The following DCLK2 variants were observed in gnomAD, a reference collection of about 807,000 sequenced individuals.
DCLK2 encodes the protein doublecortin like kinase 2, also known as serine/threonine-protein kinase DCLK2.
In DCLK2, 31 loss-of-function variants were observed where a neutral mutation model predicts 78.4. The ratio of observed to expected loss-of-function variants is 0.40; its 90% confidence interval spans 0.30 to 0.53. DCLK2 has a LOEUF of 0.53. Ranked by LOEUF, DCLK2 falls within the 20% of genes least tolerant of loss-of-function variation. The pLI is 0.61. For missense variants in DCLK2, 872 were observed against 973.7 expected (o/e 0.90, Z 1.39); for synonymous variants, 407 against 374.9 (o/e 1.09, Z -0.99).
intron 2 of DCLK2, among the ~76,000 whole-genome samples, chr4:150,115,207 T>G (rs936716184): frequency 6.6e-6 from 1 of 152,230 alleles, no homozygotes; most frequent in African/African-American, 2.4e-5. Context: ...GTTTTTCATT[T>G]CCAGAAGTTC....
intron 6 of DCLK2, among the ~76,000 whole-genome samples, chr4:150,221,476 T>C (rs1192625302): frequency 3.9e-5 from 6 of 152,232 alleles, no homozygotes; most frequent in African/African-American, 1.4e-4. Flanking sequence ...TTATTGATTA[T>C]AGGTTTCTGA....
At chr4:150,136,836 A>G (rs532414394) in intron 2 of DCLK2, among the ~76,000 whole-genome samples, 3 of 152,146 alleles carry the variant, frequency 2.0e-5, no homozygotes, top group Non-Finnish European at 4.4e-5. Flanking sequence ...AAAATCACAA[A>G]TTCATCAAGA....
chr4:150,179,689 A>G (rs1737363583), intron 2 of DCLK2, among the ~76,000 whole-genome samples: 1 of 152,210 alleles, frequency 6.6e-6, no homozygotes, highest in Non-Finnish European at 1.5e-5. Context: ...TTATTAATAC[A>G]TATTTATACC....
In DCLK2 at chr4:150,256,866, G is replaced by C. The variant is rs376601574; in HGVS notation, c.*619G>C. ...TGAGAAGCGCTCAGAGGCCCAGGGC[G>C]GCGGGCTCAGCCATTCGGCTTGGGG... On this transcript the variant is annotated 3_prime_UTR_variant, in exon 16 of 16. Transcript: ENST00000296550. The C allele has an allele frequency of 6.6e-6, 1 of 152,390 alleles. No homozygotes were observed. Among genetic ancestry groups the C allele is most frequent in the Non-Finnish European group, 1.5e-5 (1 of 68,196 alleles). 9.4% of individuals were successfully genotyped at this position (152,390 alleles called of 1,614,324 possible). A position where few individuals can be genotyped will look rare whatever the true frequency, so the allele number is the denominator to read the frequency against.
intron 2 of DCLK2, among the ~76,000 whole-genome samples, chr4:150,188,360 TG>T (rs1434781056): frequency 3.3e-5 from 5 of 151,986 alleles, no homozygotes; most frequent in Non-Finnish European, 5.9e-5. Context: ...CTGTAGTCCC[TG>T]GAAGGCTGAG....
intron 2 of DCLK2, among the ~76,000 whole-genome samples, chr4:150,171,726 C>G (rs1172048149): frequency 6.6e-6 from 1 of 152,072 alleles, no homozygotes; most frequent in Non-Finnish European, 1.5e-5. Context: ...TTTAAGAAAA[C>G]CAAACATTGG....
chr4:150,157,721 C>T (rs1357059224), intron 2 of DCLK2, among the ~76,000 whole-genome samples: 2 of 152,220 alleles, frequency 1.3e-5, no homozygotes, highest in East Asian at 3.9e-4. Context: ...CCACGTTGGC[C>T]AGGCTGGTCT....
intron 2 of DCLK2, among the ~76,000 whole-genome samples, chr4:150,142,089 TAAA>T (rs1734149040): frequency 6.6e-6 from 1 of 152,218 alleles, no homozygotes; most frequent in Admixed American, 6.5e-5. Flanking sequence ...TTGTTAGTAA[TAAA>T]AACAGTTTAT....
chr4:150,162,516 T>C (rs1299179642), intron 2 of DCLK2, among the ~76,000 whole-genome samples: 2 of 152,228 alleles, frequency 1.3e-5, no homozygotes, highest in Non-Finnish European at 2.9e-5. Context: ...ATGTTAATTT[T>C]AGTTAACCTA....
chr4:150,114,731 T>A (rs1227793662), intron 2 of DCLK2, among the ~76,000 whole-genome samples: 4 of 152,232 alleles, frequency 2.6e-5, no homozygotes, highest in African/African-American at 7.2e-5. Flanking sequence ...CCTTTTGGCT[T>A]ATAAGGTTTC....
At chr4:150,225,281 G>A (rs916905537) in intron 8 of DCLK2, among the ~76,000 whole-genome samples, 1 of 152,214 alleles carries the variant, frequency 6.6e-6, no homozygotes, top group Non-Finnish European at 1.5e-5. Context: ...AACAGAAGCT[G>A]ATGCATCATG....
chr4:150,216,198 C>T (rs1327845543), intron 5 of DCLK2, among the ~76,000 whole-genome samples: 3 of 152,202 alleles, frequency 2.0e-5, no homozygotes, highest in African/African-American at 7.2e-5. Flanking sequence ...CCATAGGACC[C>T]TCTGACATAA....
chr4:150,254,075 G>A (rs1185091157), intron 15 of DCLK2, among the ~76,000 whole-genome samples: 1 of 152,234 alleles, frequency 6.6e-6, no homozygotes, highest in Admixed American at 6.5e-5. Context: ...AAAGGACAGA[G>A]CAGGGTGCAT....
intron 1 of DCLK2, among the ~76,000 whole-genome samples, chr4:150,099,879 A>C (rs1453593840): frequency 2.0e-5 from 3 of 152,130 alleles, no homozygotes; most frequent in Non-Finnish European, 2.9e-5. Context: ...TCAAAACTTT[A>C]ATACAAGTTT....
At chr4:150,226,912 GT>G (rs1741664421) in intron 8 of DCLK2, among the ~76,000 whole-genome samples, 2 of 152,168 alleles carry the variant, frequency 1.3e-5, no homozygotes, top group African/African-American at 4.8e-5. Context: ...TTCAGTCACT[GT>G]TTTGGAGTGT....
intron 13 of DCLK2, 43 bp from the exon 14 acceptor site, chr4:150,248,262 C>G (rs1261348195): frequency 6.5e-7 from 1 of 1,547,290 alleles, no homozygotes; most frequent in Non-Finnish European, 8.9e-7. Flanking sequence ...GGAATTACCT[C>G]CTTTCTCCTC....
At chr4:150,115,502 T>A (rs899949718) in intron 2 of DCLK2, among the ~76,000 whole-genome samples, 1 of 152,208 alleles carries the variant, frequency 6.6e-6, no homozygotes, top group African/African-American at 2.4e-5. Context: ...TTTCTTGAAT[T>A]TATTTTTGTT....
intron 2 of DCLK2, among the ~76,000 whole-genome samples, chr4:150,154,602 A>G (rs929364676): frequency 5.9e-5 from 9 of 152,162 alleles, no homozygotes; most frequent in Non-Finnish European, 1.0e-4. Flanking sequence ...CAAGCTTTTA[A>G]TATTATTACC....
At chr4:150,182,070 C>T (rs900498307) in intron 2 of DCLK2, among the ~76,000 whole-genome samples, 4 of 151,368 alleles carry the variant, frequency 2.6e-5, no homozygotes, top group African/African-American at 9.7e-5. Flanking sequence ...TTTTTCGAGA[C>T]AGGATCTCAC....
Sources: allele counts gnomAD v4.1 joint callset (sites outside exome capture counted in the v4.1 genomes callset), GRCh38; gene constraint gnomAD v4.1.1; transcripts MANE v1.5; gene names NCBI Gene and HGNC (gene_info 2026-07-23, HGNC 2026-07-21).